Variants in NCK2 observed in about 807,000 individuals in gnomAD.
NCK2 encodes NCK adaptor protein 2.
In NCK2, 16 loss-of-function variants were observed where a neutral mutation model predicts 33.9. The ratio of observed to expected loss-of-function variants is 0.47; its 90% CI spans 0.32 to 0.72. The LOEUF is 0.72. Among genes scored for constraint, NCK2 ranks in the 30% least tolerant of loss-of-function variants. The pLI is 0.03. For synonymous variants in NCK2, 273 were observed against 239.9 expected (o/e 1.14, Z -1.27); for missense variants, 418 against 537.3 (o/e 0.78, Z 2.19).
At chr2:105,787,536 G>GATCC (rs1690722317) in intron 1 of NCK2, among the ~76,000 whole-genome samples, 1 of 152,172 alleles carries the variant, frequency 6.6e-6, no homozygotes, top group Non-Finnish European at 1.5e-5. Context: ...CTGGCACTTG[G>GATCC]ATCCTGGACT....
intron 3 of NCK2, among the ~76,000 whole-genome samples, chr2:105,867,947 G>A (rs1677826335): frequency 6.6e-6 from 1 of 152,250 alleles, no homozygotes. Flanking sequence ...CCCATACGGT[G>A]TGCTTTCTTT....
At chr2:105,835,344 A>G (rs1258425783) in intron 2 of NCK2, among the ~76,000 whole-genome samples, 1 of 99,898 alleles carries the variant, frequency 1.0e-5, no homozygotes, top group East Asian at 3.1e-4. Context: ...TTTGCTGGGT[A>G]TAGTATTCTT....
chr2:105,830,149 A>G (rs1349921391), intron 2 of NCK2, among the ~76,000 whole-genome samples: 1 of 152,190 alleles, frequency 6.6e-6, no homozygotes, highest in Non-Finnish European at 1.5e-5. Context: ...CTACAGTGCT[A>G]TCAAACACTA....
chr2:105,861,748 C>G (rs1677542891), intron 3 of NCK2, among the ~76,000 whole-genome samples: 1 of 152,036 alleles, frequency 6.6e-6, no homozygotes, highest in South Asian at 2.1e-4. Flanking sequence ...CTCCTGACCT[C>G]AAATAATCCA....
intron 1 of NCK2, among the ~76,000 whole-genome samples, chr2:105,777,442 A>G (rs1243985352): frequency 6.6e-6 from 1 of 152,176 alleles, no homozygotes; most frequent in African/African-American, 2.4e-5. Flanking sequence ...GAAATGACCC[A>G]GTGCTCACCA....
rs1679080680 is a variant in NCK2, at chr2:105,893,422, C to T, written c.*246C>T. The T allele has an allele frequency of 2.2e-6, 1 of 450,818 alleles. No homozygotes were observed. The highest frequency in any genetic ancestry group is 4.1e-6 in the Non-Finnish European group (1 of 246,902). 27.9% of individuals were successfully genotyped at this position (450,818 alleles called of 1,614,324 possible). ...GGGCGAGTTCACATTATTCCTTTTC[C>T]ATCGGAAGTGGCGCTCGTGCATTCA... On this transcript the variant is annotated 3_prime_UTR_variant, in exon 5 of 5. Coordinates refer to ENST00000233154, the MANE Select transcript of NCK2 (RefSeq NM_003581.5).
intron 1 of NCK2, among the ~76,000 whole-genome samples, chr2:105,790,844 G>A (rs1012201084): frequency 1.6e-4 from 24 of 152,200 alleles, no homozygotes; most frequent in Non-Finnish European, 7.4e-5. Flanking sequence ...AGCTGTGCCC[G>A]AAGAAGGAAG....
intron 1 of NCK2, among the ~76,000 whole-genome samples, chr2:105,815,167 G>T (rs1370264157): frequency 6.6e-6 from 1 of 152,202 alleles, no homozygotes; most frequent in East Asian, 1.9e-4. Context: ...CTTGCCCAAA[G>T]ATGTATTCCC....
chr2:105,852,998 A>G (rs979337514), intron 2 of NCK2, among the ~76,000 whole-genome samples: 4 of 152,212 alleles, frequency 2.6e-5, no homozygotes, highest in African/African-American at 9.6e-5. Flanking sequence ...TATTTATAAA[A>G]AAATTTTTTT....
At chr2:105,822,138 C>T (rs1389584001) in intron 2 of NCK2, among the ~76,000 whole-genome samples, 2 of 149,458 alleles carry the variant, frequency 1.3e-5, no homozygotes, top group African/African-American at 4.9e-5. Flanking sequence ...ATTTTTTTCT[C>T]CCCTAGAAAA....
At chr2:105,876,119 G>A (rs1678226196) in intron 3 of NCK2, among the ~76,000 whole-genome samples, 1 of 151,996 alleles carries the variant, frequency 6.6e-6, no homozygotes, top group Non-Finnish European at 1.5e-5. Context: ...GTTTTGTAAC[G>A]GTCACATTCT....
chr2:105,782,375 G>C (rs1421476700), intron 1 of NCK2, among the ~76,000 whole-genome samples: 1 of 152,134 alleles, frequency 6.6e-6, no homozygotes, highest in Non-Finnish European at 1.5e-5. Flanking sequence ...CCTAAAACTA[G>C]TTCCACTCTC....
At chr2:105,867,746 A>G (rs1677818506) in intron 3 of NCK2, among the ~76,000 whole-genome samples, 1 of 152,204 alleles carries the variant, frequency 6.6e-6, no homozygotes, top group African/African-American at 2.4e-5. Flanking sequence ...AGCATTTCCC[A>G]GGAACTGGCA....
chr2:105,763,014 G>A (rs777731987), intron 1 of NCK2, among the ~76,000 whole-genome samples: 7 of 152,282 alleles, frequency 4.6e-5, no homozygotes, highest in African/African-American at 1.7e-4. Context: ...GGGCAACACA[G>A]TGAAACCCCG....
chr2:105,767,612 T>C (rs950304407), intron 1 of NCK2, among the ~76,000 whole-genome samples: 2 of 152,202 alleles, frequency 1.3e-5, no homozygotes, highest in East Asian at 3.9e-4. Flanking sequence ...AACAGCAGAA[T>C]TGAGGAATTG....
chr2:105,788,105 T>C (rs1227705690), intron 1 of NCK2, among the ~76,000 whole-genome samples: 1 of 152,228 alleles, frequency 6.6e-6, no homozygotes, highest in Non-Finnish European at 1.5e-5. Flanking sequence ...TCAATTTGAC[T>C]TTCCTTTCAC....
chr2:105,871,164 G>A (rs1185680244), intron 3 of NCK2, among the ~76,000 whole-genome samples: 1 of 152,070 alleles, frequency 6.6e-6, no homozygotes, highest in South Asian at 2.1e-4. Flanking sequence ...TTGAATGCCT[G>A]CTCCATGCCC....
At chr2:105,828,456 T>G (rs1040582329) in intron 2 of NCK2, among the ~76,000 whole-genome samples, 1 of 152,220 alleles carries the variant, frequency 6.6e-6, no homozygotes, top group African/African-American at 2.4e-5. Flanking sequence ...TAAAGCCCCA[T>G]GACAGCACAC....
intron 2 of NCK2, among the ~76,000 whole-genome samples, chr2:105,829,706 A>G (rs1197199896): frequency 6.6e-6 from 1 of 152,188 alleles, no homozygotes; most frequent in Non-Finnish European, 1.5e-5. Context: ...TCACATCAAG[A>G]GTCCATTCTG....
Sources: gnomAD v4.1 joint callset for allele counts (sites outside exome capture counted in the v4.1 genomes callset) on GRCh38, gnomAD v4.1.1 for gene constraint, MANE v1.5 for transcripts, NCBI Gene and HGNC (gene_info 2026-07-23, HGNC 2026-07-21) for gene names.